IL1RAPL2: variants seen among roughly 807,000 people sequenced by gnomAD.
The protein encoded by IL1RAPL2 is interleukin 1 receptor accessory protein like 2.
In IL1RAPL2, 3 loss-of-function variants were observed where a neutral mutation model predicts 44.1. The ratio of observed to expected loss-of-function variants is 0.07; its 90% CI spans 0.03 to 0.18. The LOEUF (loss-of-function observed/expected upper bound fraction) is 0.18, where lower values mean the gene tolerates loss of function less well. Ranked by LOEUF, IL1RAPL2 falls within the 10% of genes least tolerant of loss-of-function variation. The probability of loss-of-function intolerance (pLI) is 1.00; values close to 1 mark genes in which losing one functional copy is unlikely to be tolerated. For missense variants in IL1RAPL2, 391 were observed against 496.4 expected (o/e 0.79, Z 2.02); for synonymous variants, 181 against 178.8 (o/e 1.01, Z -0.10).
chrX:104,976,214 A>G (rs1384485264), intron 2 of IL1RAPL2, among the ~76,000 whole-genome samples: 1 of 111,770 alleles, frequency 8.9e-6, no homozygotes, highest in African/African-American at 3.3e-5. Context: ...CCAATAGCTT[A>G]AAAGACACCC....
At chrX:105,327,208 G>C (rs1000877306) in intron 5 of IL1RAPL2, among the ~76,000 whole-genome samples, 2 of 111,985 alleles carry the variant, frequency 1.8e-5, no homozygotes, top group African/African-American at 6.5e-5. Flanking sequence ...TGGGACACAC[G>C]GGCTCAATAC....
intron 2 of IL1RAPL2, among the ~76,000 whole-genome samples, chrX:105,068,235 A>C (rs1218332422): frequency 8.9e-6 from 1 of 111,771 alleles, no homozygotes; most frequent in African/African-American, 3.3e-5. Context: ...CCAAAACTTC[A>C]GAAAACTAGT....
chrX:105,471,900 G>A lies in IL1RAPL2; in HGVS notation c.698-12413G>A, dbSNP rs1191385755. Among the ~76,000 whole-genome samples, 29 of 111,654 alleles carry A rather than the reference G, an allele frequency of 2.6e-4. No individual in the cohort carries two copies. In the Admixed American group the frequency reaches 2.8e-3, roughly 11 times the overall value. On this transcript the variant is annotated intron_variant, in intron 5 of 10. Coordinates refer to ENST00000372582, the MANE Select transcript of IL1RAPL2 (RefSeq NM_017416.2). Reference sequence around the variant, plus strand: ...CACTTTTTGACTAAAGATACTCTCAGAGAAAGTGCATATTTGCTGTAGAAA... The same window carrying A: ...CACTTTTTGACTAAAGATACTCTCAAAGAAAGTGCATATTTGCTGTAGAAA...
chrX:104,641,171 G>A (rs1361029900), intron 1 of IL1RAPL2, among the ~76,000 whole-genome samples: 1 of 111,995 alleles, frequency 8.9e-6, no homozygotes, highest in African/African-American at 3.3e-5. Context: ...CCTGCAGGTG[G>A]CACTTGCAGG....
At chrX:104,894,661 A>G (rs1390099075) in intron 2 of IL1RAPL2, among the ~76,000 whole-genome samples, 1 of 111,403 alleles carries the variant, frequency 9.0e-6, no homozygotes, top group African/African-American at 3.3e-5. Flanking sequence ...ACTTCTCTAC[A>G]TTGGTTATTC....
In IL1RAPL2 at chrX:104,648,134, T is replaced by C. The variant is rs773250843; in HGVS notation, c.-19-10761T>C. 45 of 374,897 alleles carry C rather than the reference T, an allele frequency of 1.2e-4. 1 individual carries two copies. In the South Asian group the frequency reaches 1.5e-3, roughly 13 times the overall value. 30.9% of individuals were successfully genotyped at this position (374,897 alleles called of 1,213,427 possible). A position where few individuals can be genotyped will look rare whatever the true frequency, so the allele number is the denominator to read the frequency against. ...ACATTCTCAGGCATGCATACATACA[T>C]AGATTTTTCCATTATATGTGGAATC... On this transcript the variant is annotated intron_variant, in intron 1 of 10. Transcript: ENST00000372582.
rs765547999 is a variant in IL1RAPL2 at position 104,963,787 on chromosome X, T to C, written c.83-231688T>C. On this transcript the variant is annotated intron_variant, in intron 2 of 10. Coordinates refer to ENST00000372582, the MANE Select transcript of IL1RAPL2 (RefSeq NM_017416.2). ...CACCAAGTTTCTTTTAATCCTTCTTTAAGAGATTCTTCCTATAAGATTAAA... is the reference window on the plus strand; with the variant it reads ...CACCAAGTTTCTTTTAATCCTTCTTCAAGAGATTCTTCCTATAAGATTAAA... 1.4e-3 allele frequency among the ~76,000 whole-genome samples: 155 copies of C among 111,545 alleles called. 1 individual carries two copies. Among genetic ancestry groups the C allele is most frequent in the African/African-American group, 4.9e-3 (150 of 30,670 alleles).
intron 2 of IL1RAPL2, among the ~76,000 whole-genome samples, chrX:104,963,852 G>A (rs1314035776): frequency 9.1e-6 from 1 of 109,976 alleles, no homozygotes; most frequent in Non-Finnish European, 1.9e-5. Flanking sequence ...AAAACATAAA[G>A]GTAAGTATCT....
intron 5 of IL1RAPL2, among the ~76,000 whole-genome samples, chrX:105,292,159 T>C (rs1329231217): frequency 1.8e-5 from 2 of 112,205 alleles, no homozygotes; most frequent in African/African-American, 6.5e-5. Context: ...AGAACATCCA[T>C]ATAACTCAAT....
intron 3 of IL1RAPL2, among the ~76,000 whole-genome samples, chrX:105,199,305 G>A (rs1031434568): frequency 2.4e-4 from 20 of 82,849 alleles, no homozygotes; most frequent in African/African-American, 9.0e-4. Context: ...TTGTGGAGTG[G>A]TGGTTGTATT....
At chrX:105,738,069 A>G (rs2038465000) in intron 7 of IL1RAPL2, among the ~76,000 whole-genome samples, 1 of 111,414 alleles carries the variant, frequency 9.0e-6, no homozygotes, top group South Asian at 3.7e-4. Flanking sequence ...CATTCCACCA[A>G]CCCAACTTTA....
At chrX:104,796,204 G>C (rs1932848914) in intron 2 of IL1RAPL2, among the ~76,000 whole-genome samples, 1 of 112,378 alleles carries the variant, frequency 8.9e-6, no homozygotes, top group African/African-American at 3.2e-5. Context: ...TGCCCTAGCT[G>C]TTTCACAGAG....
intron 6 of IL1RAPL2, among the ~76,000 whole-genome samples, chrX:105,570,961 T>A (rs1163802295): frequency 4.5e-5 from 5 of 111,576 alleles, no homozygotes; most frequent in Admixed American, 9.6e-5. Context: ...GGGAGAATAC[T>A]TATCTTCAGC....
chrX:104,636,053 C>T (rs1290570052), intron 1 of IL1RAPL2, among the ~76,000 whole-genome samples: 4 of 111,917 alleles, frequency 3.6e-5, no homozygotes, highest in African/African-American at 1.3e-4. Context: ...GTTAGTTTTC[C>T]TTCTAACAGT....
At chrX:104,817,081 T>C (rs1921156554) in intron 2 of IL1RAPL2, among the ~76,000 whole-genome samples, 1 of 112,903 alleles carries the variant, frequency 8.9e-6, no homozygotes, top group African/African-American at 3.2e-5. Context: ...TGTAGAAACA[T>C]GATTGGACAA....
At chrX:104,907,305 A>G (rs929802369) in intron 2 of IL1RAPL2, among the ~76,000 whole-genome samples, 1 of 111,015 alleles carries the variant, frequency 9.0e-6, no homozygotes, top group African/African-American at 3.3e-5. Flanking sequence ...TATTTCCTTC[A>G]GTTCTGCTTT....
intron 5 of IL1RAPL2, among the ~76,000 whole-genome samples, chrX:105,289,702 T>C (rs902948547): frequency 7.2e-5 from 8 of 111,408 alleles, no homozygotes; most frequent in Non-Finnish European, 1.3e-4. Context: ...TTTTGGACAT[T>C]TGAGATGCCT....
In IL1RAPL2 at chrX:105,383,122, A is replaced by T. The variant is rs187983496; in HGVS notation, c.698-101191A>T. On this transcript the variant is annotated intron_variant, in intron 5 of 10. Transcript: ENST00000372582. ...TACCCTTAAACTTAAAGTATAATAA[A>T]AAAAAAGAAAATCACATGAACGCAA... Among the ~76,000 whole-genome samples, 587 of 110,537 alleles carry T rather than the reference A, an allele frequency of 5.3e-3. 5 individuals carry two copies. Among genetic ancestry groups the T allele is most frequent in the African/African-American group, 0.018 (547 of 30,421 alleles).
intron 2 of IL1RAPL2, among the ~76,000 whole-genome samples, chrX:104,676,622 A>G (rs928397324): frequency 9.0e-6 from 1 of 111,032 alleles, no homozygotes; most frequent in Non-Finnish European, 1.9e-5. Context: ...CGTTTTCTGT[A>G]TTTCCTGAAT....
Sources: gnomAD v4.1 joint callset for allele counts (sites outside exome capture counted in the v4.1 genomes callset) on GRCh38, gnomAD v4.1.1 for gene constraint, MANE v1.5 for transcripts, NCBI Gene and HGNC (gene_info 2026-07-23, HGNC 2026-07-21) for gene names.